The following GABRA5 variants were observed in gnomAD, a reference collection of about 807,000 sequenced individuals.
GABRA5 encodes gamma-aminobutyric acid type A receptor subunit alpha5.
A neutral mutation model predicts 47.3 loss-of-function variants in GABRA5; 18 were observed. The observed-to-expected ratio is 0.38, with a 90% CI of 0.26 to 0.56. The LOEUF (loss-of-function observed/expected upper bound fraction) is 0.56. GABRA5 is among the 20% of genes least tolerant of loss of function. GABRA5 has a pLI of 0.71. For missense variants in GABRA5, 365 were observed against 599.3 expected (o/e 0.61, Z 4.08); for synonymous variants, 237 against 229.3 (o/e 1.03, Z -0.30).
intron 6 of GABRA5, among the ~76,000 whole-genome samples, chr15:26,891,265 C>T (rs1236584598): frequency 1.3e-5 from 2 of 152,198 alleles, no homozygotes; most frequent in Non-Finnish European, 1.5e-5. Context: ...CAGACATCCT[C>T]GTCCTAGTGA....
At chr15:26,888,795 A>G (rs1314225227) in intron 6 of GABRA5, among the ~76,000 whole-genome samples, 2 of 152,242 alleles carry the variant, frequency 1.3e-5, no homozygotes, top group Non-Finnish European at 2.9e-5. Flanking sequence ...CTTATGTGAG[A>G]ACACACAGTG....
rs1892334167 is a variant in GABRA5, at chr15:26,867,169, CG to C, written c.-140+60del. On this transcript the variant is annotated intron_variant, in intron 1 of 10. Transcript: ENST00000335625. This position sits in a 1 kb window ranked among gnomAD's most constrained non-coding sequence, Gnocchi z 5.9. The stretch of plus-strand genomic sequence containing the variant: ...GGGGGGCTCTGCGGCGGGCGGCGCG[CG>C]GCCCGGGGCGCGGCGCGGAGCGGAG... 6.7e-6 allele frequency: 1 copy of C among 148,814 alleles called. No individual in the cohort carries two copies. Among genetic ancestry groups the C allele is most frequent in the South Asian group, 1.8e-4 (1 of 5,582 alleles). The allele number at this position is 148,814 out of a possible 1,614,324, so 9.2% of individuals were successfully genotyped here. A position where few individuals can be genotyped will look rare whatever the true frequency, so the allele number is the denominator to read the frequency against.
intron 7 of GABRA5, among the ~76,000 whole-genome samples, chr15:26,929,999 TCTTC>T (rs1894054857): frequency 3.9e-5 from 5 of 128,734 alleles, no homozygotes; most frequent in Non-Finnish European, 4.7e-5. Flanking sequence ...TTCTTCTTCT[TCTTC>T]TTCTTTTTTT....
At chr15:26,874,797 A>T (rs947803436) in intron 3 of GABRA5, among the ~76,000 whole-genome samples, 3 of 152,254 alleles carry the variant, frequency 2.0e-5, no homozygotes, top group Non-Finnish European at 2.9e-5. Context: ...AGTCAACCTA[A>T]AAGTGAATGA....
At chr15:26,933,617 A>G (rs1894161698) in intron 7 of GABRA5, among the ~76,000 whole-genome samples, 2 of 152,174 alleles carry the variant, frequency 1.3e-5, no homozygotes, top group Non-Finnish European at 2.9e-5. Context: ...CAGGCCAGTC[A>G]TGGCCATAAC....
chr15:26,947,836 G>C (rs779730045), intron 10 of GABRA5, 98 bp from the exon 11 acceptor site: 2 of 1,087,654 alleles, frequency 1.8e-6, no homozygotes, highest in East Asian at 2.6e-5. Context: ...GGCTAAACAG[G>C]TGTTTCTCTC....
chr15:26,889,934 T>C (rs1892965778), intron 6 of GABRA5, among the ~76,000 whole-genome samples: 1 of 152,238 alleles, frequency 6.6e-6, no homozygotes, highest in South Asian at 2.1e-4. Context: ...TAGTCTCCTA[T>C]AGTTTTTGAG....
At chr15:26,910,613 A>G (rs1893558486) in intron 6 of GABRA5, among the ~76,000 whole-genome samples, 2 of 138,086 alleles carry the variant, frequency 1.4e-5, no homozygotes, top group South Asian at 2.3e-4. Flanking sequence ...AAAAAAAAAA[A>G]TCCCATTTCC....
chr15:26,936,830 C>T (rs1454244406), intron 7 of GABRA5, among the ~76,000 whole-genome samples: 7 of 152,178 alleles, frequency 4.6e-5, no homozygotes, highest in African/African-American at 1.7e-4. Flanking sequence ...GATGAAGGGA[C>T]TGAGGCACAG....
At chr15:26,888,761 TC>T (rs1244632753) in intron 6 of GABRA5, among the ~76,000 whole-genome samples, 9 of 152,188 alleles carry the variant, frequency 5.9e-5, no homozygotes. Context: ...TCTGCCATCT[TC>T]CCACACCTTC....
At chr15:26,871,539 G>A (rs865913955) in intron 3 of GABRA5, among the ~76,000 whole-genome samples, 3 of 152,078 alleles carry the variant, frequency 2.0e-5, no homozygotes, top group Non-Finnish European at 2.9e-5. Context: ...AAACAGCACC[G>A]ACTAATTGCA....
rs373113134 is a variant in GABRA5 at position 26,881,702 on chromosome 15, A to AT, written c.208+745dup. Reference sequence around the variant, plus strand: ...AAAAATTTAGTTGTCTAGTGTTTGCATTTTTTTTTTATTTGAGATGGAGTT... The same window carrying AT: ...AAAAATTTAGTTGTCTAGTGTTTGCATTTTTTTTTTTATTTGAGATGGAGTT... On this transcript the variant is annotated intron_variant, in intron 4 of 10. Transcript: ENST00000335625. 3.9e-3 allele frequency among the ~76,000 whole-genome samples: 584 copies of AT among 149,608 alleles called. 5 individuals are homozygous for AT. The highest frequency in any genetic ancestry group is 0.012 in the African/African-American group (509 of 40,880).
intron 3 of GABRA5, among the ~76,000 whole-genome samples, chr15:26,870,300 G>A (rs548080152): frequency 4.6e-5 from 7 of 152,302 alleles, no homozygotes; most frequent in African/African-American, 1.7e-4. Flanking sequence ...TCTGTCCTCT[G>A]TACATTTTCT....
chr15:26,883,177 C>A lies in GABRA5; in HGVS notation c.220C>A (p.Gln74Lys), dbSNP rs371972383. 1.5e-5 allele frequency: 25 copies of A among 1,613,710 alleles called. No individual in the cohort carries two copies. In the African/African-American group the frequency reaches 3.1e-4, roughly 20 times the overall value. Reference protein sequence around the residue: ...LRPGLGERITQVRTDIYVTSF... With the variant: ...LRPGLGERITKVRTDIYVTSF... ...TGTCTGTCTTTCAGAGCGCATCACT[C>A]AGGTGAGGACCGACATCTACGTCAC... is the stretch of plus-strand genomic sequence containing the variant. Residue 74 changes from glutamine (Q) to lysine (K), a missense_variant, in exon 5 of 11, where the codon CAG becomes AAG. By Grantham distance (53) the Gln-to-Lys change is moderately conservative. Transcript: ENST00000335625. This position sits in a 1 kb window ranked among gnomAD's most constrained non-coding sequence, Gnocchi z 4.8.
intron 6 of GABRA5, among the ~76,000 whole-genome samples, chr15:26,892,126 A>G (rs1171358844): frequency 6.6e-6 from 1 of 152,262 alleles, no homozygotes; most frequent in Non-Finnish European, 1.5e-5. Flanking sequence ...CTCCGTGCCC[A>G]AAGTGTTTCC....
chr15:26,891,207 A>G (rs1386165329), intron 6 of GABRA5, among the ~76,000 whole-genome samples: 2 of 152,204 alleles, frequency 1.3e-5, no homozygotes, highest in Non-Finnish European at 2.9e-5. Context: ...CAAATGGACC[A>G]TCTCCAGCAC....
intron 9 of GABRA5, 94 bp downstream of exon 9, chr15:26,940,171 TGC>T: frequency 9.5e-7 from 1 of 1,054,304 alleles, no homozygotes; most frequent in Non-Finnish European, 1.4e-6. Flanking sequence ...AAACTTCTAG[TGC>T]TGCCTCTTTG....
intron 6 of GABRA5, among the ~76,000 whole-genome samples, chr15:26,898,507 G>C (rs1239416322): frequency 6.6e-6 from 1 of 152,162 alleles, no homozygotes. Flanking sequence ...GGTTATCAGA[G>C]GCATTCAGAA....
At chr15:26,881,694 G>C (rs1019858871) in intron 4 of GABRA5, among the ~76,000 whole-genome samples, 1 of 152,116 alleles carries the variant, frequency 6.6e-6, no homozygotes, top group African/African-American at 2.4e-5. Context: ...TAGTTGTCTA[G>C]TGTTTGCATT....
Sources: allele counts gnomAD v4.1 joint callset (sites outside exome capture counted in the v4.1 genomes callset), GRCh38; gene constraint gnomAD v4.1.1; non-coding constraint Gnocchi (gnomAD v3.1); transcripts MANE v1.5; gene names NCBI Gene and HGNC (gene_info 2026-07-23, HGNC 2026-07-21).